Variants in PDE11A observed in about 807,000 individuals in gnomAD.
PDE11A encodes the protein dual 3',5'-cyclic-AMP and -GMP phosphodiesterase 11A.
In PDE11A, 100 loss-of-function variants were observed where a neutral mutation model predicts 100.5. The ratio of observed to expected loss-of-function variants is 1.00; its 90% CI spans 0.85 to 1.18. The LOEUF is 1.18. PDE11A is among the 50% of genes most tolerant of loss of function. PDE11A has a pLI of 0.00. For missense variants in PDE11A, 1,141 were observed against 1,152.6 expected (o/e 0.99, Z 0.15); for synonymous variants, 381 against 420.8 (o/e 0.91, Z 1.16).
intron 1 of PDE11A, among the ~76,000 whole-genome samples, chr2:178,026,384 G>C (rs999280481): frequency 6.6e-6 from 1 of 151,980 alleles, no homozygotes; most frequent in African/African-American, 2.4e-5. Flanking sequence ...ATTTTTGACC[G>C]GGCGCTGTGG....
At chr2:177,789,216 A>G (rs1415488066) in intron 9 of PDE11A, among the ~76,000 whole-genome samples, 2 of 152,190 alleles carry the variant, frequency 1.3e-5, no homozygotes, top group Non-Finnish European at 2.9e-5. Context: ...CATCCCTGGG[A>G]TGCAAGGCTG....
At chr2:178,077,587 C>T (rs1475030165), upstream of PDE11A, among the ~76,000 whole-genome samples, 2 of 152,146 alleles carry the variant, frequency 1.3e-5, no homozygotes, top group Middle Eastern at 3.2e-3. Flanking sequence ...AAAAATGGCA[C>T]ATTAAGGCCT....
intron 10 of PDE11A, among the ~76,000 whole-genome samples, chr2:177,731,990 T>C (rs1418054328): frequency 6.6e-6 from 1 of 152,154 alleles, no homozygotes; most frequent in Non-Finnish European, 1.5e-5. Flanking sequence ...CAAAAGAAAA[T>C]GAGTGTAGTT....
intron 18 of PDE11A, among the ~76,000 whole-genome samples, chr2:177,667,354 T>C (rs1391616332): frequency 6.6e-6 from 1 of 152,208 alleles, no homozygotes; most frequent in East Asian, 1.9e-4. Context: ...TATACCTATA[T>C]TTTCTTCTAA....
chr2:177,754,150 G>A (rs778605386), intron 10 of PDE11A, among the ~76,000 whole-genome samples: 4 of 152,172 alleles, frequency 2.6e-5, no homozygotes, highest in Non-Finnish European at 5.9e-5. Flanking sequence ...CAATGCTGAC[G>A]CATGAAGGCT....
chr2:177,805,571 G>GA lies in PDE11A; in HGVS notation c.1737+11257dup, dbSNP rs553232955. On this transcript the variant is annotated intron_variant, in intron 9 of 19. Coordinates refer to ENST00000286063, the MANE Select transcript of PDE11A (RefSeq NM_016953.4). ...AAAGGGTAATCTTAAATCTATAAAA[G>GA]AAACACCTCATGTTCTTGAACCTGT... 5.8e-3 allele frequency among the ~76,000 whole-genome samples: 887 copies of GA among 152,152 alleles called. 7 individuals are homozygous for GA. The highest frequency in any genetic ancestry group is 0.017 in the Middle Eastern group (5 of 294).
chr2:177,765,190 A>T (rs146379136), intron 10 of PDE11A, among the ~76,000 whole-genome samples: 2 of 152,330 alleles, frequency 1.3e-5, no homozygotes, highest in African/African-American at 4.8e-5. Context: ...ACTCTCCCTA[A>T]CAAGGCATTC....
At chr2:178,009,891 T>A (rs2086256680) in intron 2 of PDE11A, among the ~76,000 whole-genome samples, 1 of 152,214 alleles carries the variant, frequency 6.6e-6, no homozygotes, top group Non-Finnish European at 1.5e-5. Flanking sequence ...ATGTTGACAT[T>A]TTAAGATATC....
intron 10 of PDE11A, among the ~76,000 whole-genome samples, chr2:177,767,270 C>T (rs969970965): frequency 6.6e-6 from 1 of 151,984 alleles, no homozygotes; most frequent in African/African-American, 2.4e-5. Context: ...GTGGAGGTTG[C>T]AGTAAGCTGA....
chr2:177,794,169 G>C (rs1265496704), intron 9 of PDE11A, among the ~76,000 whole-genome samples: 2 of 152,046 alleles, frequency 1.3e-5, no homozygotes, highest in Non-Finnish European at 2.9e-5. Context: ...GGGCAGGAAA[G>C]GGGGCACGGC....
chr2:177,869,027 T>C (rs1658147499), intron 5 of PDE11A, among the ~76,000 whole-genome samples: 1 of 152,246 alleles, frequency 6.6e-6, no homozygotes, highest in African/African-American at 2.4e-5. Flanking sequence ...AGCTCACCTG[T>C]CATTCATCTC....
chr2:177,771,043 G>A (rs545618086), intron 9 of PDE11A, among the ~76,000 whole-genome samples: 1 of 152,230 alleles, frequency 6.6e-6, no homozygotes, highest in Non-Finnish European at 1.5e-5. Flanking sequence ...TTTCCAGGCT[G>A]GTCTGAAACT....
intron 9 of PDE11A, among the ~76,000 whole-genome samples, chr2:177,776,682 G>A (rs1409444881): frequency 6.6e-6 from 1 of 152,078 alleles, no homozygotes; most frequent in Non-Finnish European, 1.5e-5. Context: ...AATATGACTG[G>A]GGTCCTTACA....
At chr2:177,724,721 A>G (rs564551447) in intron 12 of PDE11A, among the ~76,000 whole-genome samples, 16 of 152,192 alleles carry the variant, frequency 1.1e-4, no homozygotes, top group Non-Finnish European at 2.1e-4. Flanking sequence ...CTCTTTTAGG[A>G]AAAACATTTA....
At chr2:177,793,535 T>A in intron 9 of PDE11A, among the ~76,000 whole-genome samples, 2 of 47,042 alleles carry the variant, frequency 4.3e-5, no homozygotes, top group Non-Finnish European at 3.7e-5. Context: ...CACAGGGATC[T>A]GCAAAAAAAA....
chr2:177,720,297 T>C (rs980256290), intron 12 of PDE11A, among the ~76,000 whole-genome samples: 3 of 151,992 alleles, frequency 2.0e-5, no homozygotes, highest in Admixed American at 1.3e-4. Context: ...TTACTAGGAG[T>C]GCTTATGAGT....
At chr2:177,696,645 A>C (rs1320541001) in intron 15 of PDE11A, among the ~76,000 whole-genome samples, 5 of 102,726 alleles carry the variant, frequency 4.9e-5, no homozygotes, top group African/African-American at 1.3e-4. Flanking sequence ...TTTATTTAAA[A>C]AGGTAGACAG....
intron 14 of PDE11A, 56 bp from the exon 15 acceptor site, chr2:177,697,488 C>A: frequency 2.3e-6 from 2 of 852,968 alleles, no homozygotes; most frequent in Non-Finnish European, 4.1e-6. Context: ...TTGTTGATTA[C>A]ATGTTTTTCC....
In PDE11A at chr2:177,840,484, A is replaced by C. The variant is rs140352133; in HGVS notation, c.1368-101T>G. The stretch of plus-strand genomic sequence containing the variant: ...ACTAATATCAGGATAATCTGTCCTT[A>C]TTAAGAAAAAATAAGTGACATTAGT... On this transcript the variant is annotated intron_variant, in intron 5 of 19. Coordinates refer to ENST00000286063, the MANE Select transcript of PDE11A (RefSeq NM_016953.4). 2.8e-6 allele frequency: 3 copies of C among 1,066,246 alleles called. No individual in the cohort carries two copies. In the East Asian group the frequency reaches 7.2e-5, roughly 25 times the overall value. 66.0% of individuals were successfully genotyped at this position (1,066,246 alleles called of 1,614,324 possible). A position where few individuals can be genotyped will look rare whatever the true frequency, so the allele number is the denominator to read the frequency against.
Sources: gnomAD v4.1 joint callset for allele counts (sites outside exome capture counted in the v4.1 genomes callset) on GRCh38, gnomAD v4.1.1 for gene constraint, MANE v1.5 for transcripts, NCBI Gene and HGNC (gene_info 2026-07-23, HGNC 2026-07-21) for gene names.